The following GNPDA1 variants were observed in gnomAD, a reference collection of about 807,000 sequenced individuals.
GNPDA1 encodes the protein GNPDA 1.
Under a neutral mutation model 28.5 loss-of-function variants are expected in GNPDA1, and 24 were observed. The ratio of observed to expected loss-of-function variants is 0.84; its 90% CI spans 0.61 to 1.19. The LOEUF (loss-of-function observed/expected upper bound fraction) is 1.19, where lower values mean the gene tolerates loss of function less well. Ranked by LOEUF, GNPDA1 falls within the 50% of genes most tolerant of loss-of-function variation. The pLI is 0.00. For missense variants in GNPDA1, 264 were observed against 367.3 expected, an observed-to-expected ratio of 0.72 and a Z score of 2.30; for synonymous variants, 147 against 139.3, an observed-to-expected ratio of 1.06 and a Z score of -0.39.
chr5:142,005,606 A>G (rs1755783408), intron 4 of GNPDA1, among the ~76,000 whole-genome samples: 1 of 152,174 alleles, frequency 6.6e-6, no homozygotes, highest in Non-Finnish European at 1.5e-5. Context: ...CTTGAAGTAT[A>G]GAAGAGTGAT....
chr5:142,011,083 A>G (rs1372939379), intron 2 of GNPDA1, among the ~76,000 whole-genome samples: 2 of 152,104 alleles, frequency 1.3e-5, no homozygotes, highest in East Asian at 3.9e-4. Flanking sequence ...AGAAGCTGGG[A>G]CTACAGGTGA....
chr5:142,002,191 C>A, intron 6 of GNPDA1, 62 bp from the exon 7 acceptor site: 3 of 823,548 alleles, frequency 3.6e-6, no homozygotes, highest in South Asian at 3.1e-5. Context: ...CCTTGATTAT[C>A]AATCATAACA....
intron 2 of GNPDA1, 98 bp downstream of exon 2, chr5:142,011,814 C>T (rs754047716): frequency 8.0e-6 from 11 of 1,374,986 alleles, no homozygotes; most frequent in Admixed American, 3.4e-5. Flanking sequence ...CCCCAGAGCC[C>T]CCGTGAAGTC....
intron 6 of GNPDA1, 96 bp downstream of exon 6, chr5:142,002,991 TC>T: frequency 1.1e-6 from 1 of 922,482 alleles, no homozygotes. Context: ...ATTACAGTTG[TC>T]AATTAAAATG....
intron 6 of GNPDA1, 147 bp downstream of exon 6, chr5:142,002,941 A>C (rs901052348): frequency 1.6e-6 from 1 of 625,446 alleles, no homozygotes; most frequent in Non-Finnish European, 2.8e-6. Flanking sequence ...AAGAGAAATG[A>C]CTGTGTAGTG....
At position 142,012,310 on chromosome 5, in the gene GNPDA1, G is replaced by A. The variant is rs781324904; in HGVS notation, c.-6-269C>T. 100 of 316,194 alleles carry A rather than the reference G, an allele frequency of 3.2e-4. 1 individual carries two copies. The highest frequency in any genetic ancestry group is 8.3e-5 in the Admixed American group (2 of 24,160). The allele number at this position is 316,194 out of a possible 1,614,324, so 19.6% of individuals were successfully genotyped here. On this transcript the variant is annotated intron_variant, in intron 1 of 6. Transcript: ENST00000311337. ...TACCACCTGCAGGACCTCGGTCAAA[G>A]GACCTAAGTTCTCTCTGAGCCGTTT...
rs1343953403 is a variant in GNPDA1, at chr5:142,003,090, T to C, written c.767A>G (p.Lys256Arg). ...TCCTGGACCCACACCTCCCTCACCTTTGAAATACTTGACAGTCTTCACTTT... is the reference window on the plus strand; with the variant it reads ...TCCTGGACCCACACCTCCCTCACCTCTGAAATACTTGACAGTCTTCACTTT... ...ELKVKTVKYFKGLMLVHNKLV... is the reference protein window; with the variant it reads ...ELKVKTVKYFRGLMLVHNKLV... Residue 256 changes from lysine to arginine, a missense_variant and splice_region_variant, in exon 6 of 7, where the codon AAA (lysine) becomes AGA (arginine). Physicochemically the swap from Lys to Arg is conservative, Grantham distance 26. Transcript: ENST00000311337. This position sits in a 1 kb window ranked among gnomAD's most constrained non-coding sequence, Gnocchi z 4.0. The C allele has an allele frequency of 2.5e-6, 4 of 1,611,912 alleles. No individual in the cohort carries two copies. The highest frequency in any genetic ancestry group is 3.4e-6 in the Non-Finnish European group (4 of 1,178,680).
chr5:142,008,411 C>A (rs1335504815), intron 2 of GNPDA1, among the ~76,000 whole-genome samples: 2 of 152,182 alleles, frequency 1.3e-5, no homozygotes, highest in Non-Finnish European at 2.9e-5. Flanking sequence ...AGCAGCGAAG[C>A]CCTAGTTGAG....
Position 142,002,146 on chromosome 5 carries a change from A to G in GNPDA1, c.770-17T>C. The G allele has an allele frequency of 7.4e-7, 1 of 1,347,656 alleles. No homozygotes were observed. The highest frequency in any genetic ancestry group is 1.1e-6 in the Non-Finnish European group (1 of 943,266). 83.5% of individuals were successfully genotyped at this position (1,347,656 alleles called of 1,614,324 possible). A position where few individuals can be genotyped will look rare whatever the true frequency, so the allele number is the denominator to read the frequency against. On this transcript the variant is annotated splice_polypyrimidine_tract_variant and intron_variant, in intron 6 of 6. Transcript: ENST00000311337. ...GCATTAAACCTACAAAAAATTAAAAACAAAAAGTAGTTAATTCAGGCAGTG... is the reference window on the plus strand; with the variant it reads ...GCATTAAACCTACAAAAAATTAAAAGCAAAAAGTAGTTAATTCAGGCAGTG...
chr5:142,002,604 T>C (rs1755702404), intron 6 of GNPDA1, among the ~76,000 whole-genome samples: 1 of 151,948 alleles, frequency 6.6e-6, no homozygotes, highest in African/African-American at 2.4e-5. Flanking sequence ...AATACAAAAA[T>C]TAACTGGGTA....
rs1477178324 is a variant in GNPDA1 at position 142,001,579 on chromosome 5, ACAATGGTTCT to A, written c.*440_*449del. 1 of 153,330 alleles carries A rather than the reference ACAATGGTTCT, an allele frequency of 6.5e-6. No homozygotes were observed. The highest frequency in any genetic ancestry group is 2.4e-5 in the African/African-American group (1 of 41,466). 9.5% of individuals were successfully genotyped at this position (153,330 alleles called of 1,614,324 possible). A position where few individuals can be genotyped will look rare whatever the true frequency, so the allele number is the denominator to read the frequency against. Reference sequence around the variant, plus strand: ...TTGAGAGTTTGTGCCTTCACTTGGAACAATGGTTCTCAACCAAGGGGCAGGCCTGTGCAAG... The same window carrying A: ...TTGAGAGTTTGTGCCTTCACTTGGAACAACCAAGGGGCAGGCCTGTGCAAG... On this transcript the variant is annotated 3_prime_UTR_variant, in exon 7 of 7. Transcript: ENST00000311337.
rs570347692 is a variant in GNPDA1, at chr5:142,010,000, C to CAG, written c.124+1910_124+1911dup. Reference sequence around the variant, plus strand: ...TCAGAAGGCCAGACTCTGACCCATACAGAGGTTGGGTCTCTCCACAGTTAG... The same window carrying CAG: ...TCAGAAGGCCAGACTCTGACCCATACAGAGAGGTTGGGTCTCTCCACAGTTAG... On this transcript the variant is annotated intron_variant, in intron 2 of 6. Coordinates refer to ENST00000311337, the MANE Select transcript of GNPDA1 (RefSeq NM_005471.5). 2.6e-5 allele frequency among the ~76,000 whole-genome samples: 4 copies of CAG among 152,294 alleles called. No individual in the cohort carries two copies. In the East Asian group the frequency reaches 7.7e-4, roughly 29 times the overall value.
intron 2 of GNPDA1, 139 bp from the exon 3 acceptor site, chr5:142,008,039 G>A (rs1468167223): frequency 4.8e-6 from 3 of 631,462 alleles, no homozygotes; most frequent in Non-Finnish European, 8.5e-6. Context: ...AATCCTAACT[G>A]CCATCCATCC....
chr5:142,006,416 A>G (rs1182506098), intron 3 of GNPDA1, 90 bp from the exon 4 acceptor site: 1 of 950,978 alleles, frequency 1.1e-6, no homozygotes, highest in Non-Finnish European at 1.6e-6. Flanking sequence ...TGACCTACAG[A>G]GACACTCCCA....
chr5:142,001,790 G>A lies in GNPDA1; in HGVS notation c.*239C>T. The stretch of plus-strand genomic sequence containing the variant: ...TAAAACTCCCAACCTGGGTTTGGCA[G>A]ACATCAAAATGATGGAGTACATTTT... On this transcript the variant is annotated 3_prime_UTR_variant, in exon 7 of 7. Coordinates refer to ENST00000311337, the MANE Select transcript of GNPDA1 (RefSeq NM_005471.5). 1 of 349,296 alleles carries A rather than the reference G, an allele frequency of 2.9e-6. No homozygotes were observed. The highest frequency in any genetic ancestry group is 5.1e-6 in the Non-Finnish European group (1 of 194,380). The allele number at this position is 349,296 out of a possible 1,614,324, so 21.6% of individuals were successfully genotyped here.
At chr5:142,006,383 A>C in intron 3 of GNPDA1, 57 bp from the exon 4 acceptor site, 1 of 1,328,890 alleles carries the variant, frequency 7.5e-7, no homozygotes, top group South Asian at 1.3e-5. Flanking sequence ...CCCTCTCCTA[A>C]GAAGGATGCC....
chr5:142,004,806 G>T, intron 5 of GNPDA1, 126 bp downstream of exon 5: 1 of 578,162 alleles, frequency 1.7e-6, no homozygotes, highest in Non-Finnish European at 3.0e-6. Context: ...AGGGTCAGCA[G>T]GGATTTTAGC....
intron 2 of GNPDA1, among the ~76,000 whole-genome samples, chr5:142,009,693 T>C (rs1379050044): frequency 1.3e-5 from 2 of 152,158 alleles, no homozygotes; most frequent in Non-Finnish European, 2.9e-5. Flanking sequence ...CCTGCCATTT[T>C]CCAAACTTCT....
chr5:142,002,188 T>C, intron 6 of GNPDA1, 59 bp from the exon 7 acceptor site: 1 of 854,614 alleles, frequency 1.2e-6, no homozygotes, highest in Admixed American at 2.1e-5. Flanking sequence ...GTTCCTTGAT[T>C]ATCAATCATA....
Sources: gnomAD v4.1 joint callset for allele counts (sites outside exome capture counted in the v4.1 genomes callset) on GRCh38, gnomAD v4.1.1 for gene constraint, Gnocchi (gnomAD v3.1) non-coding constraint, MANE v1.5 for transcripts, NCBI Gene and HGNC (gene_info 2026-07-23, HGNC 2026-07-21) for gene names.